PRR16: variants seen among roughly 807,000 people sequenced by gnomAD.
The protein encoded by PRR16 is protein Largen.
Under a neutral mutation model 18.2 loss-of-function variants are expected in PRR16, and 6 were observed. The ratio of observed to expected loss-of-function variants is 0.33; its 90% CI spans 0.18 to 0.65. The LOEUF is 0.65. PRR16 is among the 30% of genes least tolerant of loss of function. The pLI is 0.74. For missense variants in PRR16, 412 were observed against 376.6 expected (o/e 1.09, Z -0.78); for synonymous variants, 151 against 147.8 (o/e 1.02, Z -0.16).
intron 1 of PRR16, among the ~76,000 whole-genome samples, chr5:120,668,284 T>TTTTTATG (rs1756467464): frequency 6.6e-6 from 1 of 151,438 alleles, no homozygotes; most frequent in Non-Finnish European, 1.5e-5. Context: ...AACCCCTGCC[T>TTTTTATG]TTTTATGTTT....
the PRR16 span, among the ~76,000 whole-genome samples, chr5:120,758,841 T>C: frequency 2.0e-5 from 3 of 152,130 alleles, no homozygotes; most frequent in African/African-American, 7.2e-5. Context: ...GTCTAAAAAA[T>C]ATATTTGTCT....
intron 1 of PRR16, among the ~76,000 whole-genome samples, chr5:120,511,187 A>G (rs888437876): frequency 2.0e-5 from 3 of 152,204 alleles, no homozygotes; most frequent in African/African-American, 7.2e-5. Context: ...GAACTAGAAT[A>G]TAATTAAAAG....
intron 1 of PRR16, among the ~76,000 whole-genome samples, chr5:120,473,948 G>C (rs1006115477): frequency 6.6e-6 from 1 of 152,166 alleles, no homozygotes; most frequent in South Asian, 2.1e-4. Flanking sequence ...TGGGGAAAAT[G>C]CTTGAAGGTG....
At chr5:120,710,900 C>G in the PRR16 span, 1 of 151,868 alleles carries the variant, frequency 6.6e-6, no homozygotes, top group African/African-American at 2.4e-5. Flanking sequence ...GGACTAAAAT[C>G]AAAGAGTTAG....
chr5:120,532,217 G>A (rs913474859), intron 1 of PRR16, among the ~76,000 whole-genome samples: 1 of 152,222 alleles, frequency 6.6e-6, no homozygotes, highest in African/African-American at 2.4e-5. Flanking sequence ...ATCCGGCCAT[G>A]CCATTTTAGG....
intron 1 of PRR16, among the ~76,000 whole-genome samples, chr5:120,634,335 A>G (rs761739326): frequency 1.3e-5 from 2 of 152,188 alleles, no homozygotes; most frequent in African/African-American, 2.4e-5. Context: ...ATAGCATTAA[A>G]TGCCTATATC....
chr5:120,657,562 T>A (rs1180667586), intron 1 of PRR16, among the ~76,000 whole-genome samples: 1 of 151,946 alleles, frequency 6.6e-6, no homozygotes, highest in Non-Finnish European at 1.5e-5. Flanking sequence ...TGCAAGGATA[T>A]CTTAGTCTAA....
In PRR16 at chr5:120,496,346, T is replaced by C. The variant is rs191243897; in HGVS notation, c.159+31701T>C. Among the ~76,000 whole-genome samples the C allele has an allele frequency of 9.9e-5, 15 of 152,186 alleles. No individual in the cohort carries two copies. In the East Asian group the frequency reaches 2.9e-3, roughly 29 times the overall value. On this transcript the variant is annotated intron_variant, in intron 1 of 1. Coordinates refer to ENST00000407149, the MANE Select transcript of PRR16 (RefSeq NM_001300783.2). Reference sequence around the variant, plus strand: ...AACCCTCTGGAACTGCAGATTTTCTTACTTAGGGATTTAAAAATTATTAAT... The same window carrying C: ...AACCCTCTGGAACTGCAGATTTTCTCACTTAGGGATTTAAAAATTATTAAT...
At chr5:120,673,183 C>T (rs1756673995) in intron 1 of PRR16, among the ~76,000 whole-genome samples, 1 of 152,202 alleles carries the variant, frequency 6.6e-6, no homozygotes. Context: ...CTATAACATG[C>T]AATACATTTA....
intron 1 of PRR16, among the ~76,000 whole-genome samples, chr5:120,480,145 C>G (rs576164335): frequency 7.2e-5 from 11 of 152,050 alleles, no homozygotes; most frequent in Non-Finnish European, 1.6e-4. Context: ...CACAGCAGTA[C>G]GAGCCTGTAA....
chr5:120,626,678 G>C (rs569784724), intron 1 of PRR16, among the ~76,000 whole-genome samples: 147 of 152,224 alleles, frequency 9.7e-4, no homozygotes, highest in African/African-American at 3.5e-3. Context: ...AAGTACCATA[G>C]TTTAATGATA....
intron 1 of PRR16, among the ~76,000 whole-genome samples, chr5:120,551,643 T>C (rs1182346141): frequency 6.6e-6 from 1 of 152,022 alleles, no homozygotes; most frequent in Admixed American, 6.6e-5. Context: ...GAACTACCAA[T>C]GATTGTTTTG....
chr5:120,636,183 G>A (rs1755221330), intron 1 of PRR16, among the ~76,000 whole-genome samples: 1 of 152,026 alleles, frequency 6.6e-6, no homozygotes, highest in Non-Finnish European at 1.5e-5. Flanking sequence ...AATCAATATT[G>A]TGAAAATGAC....
At chr5:120,681,047 A>T (rs980337559) in intron 1 of PRR16, among the ~76,000 whole-genome samples, 4 of 152,118 alleles carry the variant, frequency 2.6e-5, no homozygotes, top group African/African-American at 9.7e-5. Flanking sequence ...ATAATATCTT[A>T]TTTCTATAAC....
chr5:120,679,910 T>C (rs1052447217), intron 1 of PRR16, among the ~76,000 whole-genome samples: 1 of 152,120 alleles, frequency 6.6e-6, no homozygotes, highest in Non-Finnish European at 1.5e-5. Flanking sequence ...GATGAACACA[T>C]TGAAAGATTT....
chr5:120,540,557 T>G lies in PRR16; in HGVS notation c.159+75912T>G, dbSNP rs560589162. ...CCCTTGAAAATATGATGTCCCTTCCTGTCCTGGACTTTAGATATGTGGTAT... is the reference window on the plus strand; with the variant it reads ...CCCTTGAAAATATGATGTCCCTTCCGGTCCTGGACTTTAGATATGTGGTAT... On this transcript the variant is annotated intron_variant, in intron 1 of 1. Coordinates refer to ENST00000407149, the MANE Select transcript of PRR16 (RefSeq NM_001300783.2). Among the ~76,000 whole-genome samples, 3 of 152,308 alleles carry G rather than the reference T, an allele frequency of 2.0e-5. No homozygotes were observed. The South Asian group carries it at 6.2e-4, about 32-fold the overall frequency.
chr5:120,752,719 A>G, the PRR16 span, among the ~76,000 whole-genome samples: 90 of 152,144 alleles, frequency 5.9e-4, no homozygotes, highest in African/African-American at 2.0e-3. Flanking sequence ...ATATTTGGTT[A>G]TAAGTTTCTA....
chr5:120,519,436 A>C (rs1453551834), intron 1 of PRR16, among the ~76,000 whole-genome samples: 8 of 152,174 alleles, frequency 5.3e-5, no homozygotes, highest in African/African-American at 1.7e-4. Context: ...TCTTTATATG[A>C]TAGGCATTGA....
At chr5:120,743,891 A>G in the PRR16 span, among the ~76,000 whole-genome samples, 1 of 151,998 alleles carries the variant, frequency 6.6e-6, no homozygotes. Flanking sequence ...TTGTTAGTGA[A>G]TCATTTTTAC....
Sources: allele counts gnomAD v4.1 joint callset (sites outside exome capture counted in the v4.1 genomes callset), GRCh38; gene constraint gnomAD v4.1.1; transcripts MANE v1.5; gene names NCBI Gene and HGNC (gene_info 2026-07-23, HGNC 2026-07-21).